Variants in TBL1XR1 observed in about 807,000 individuals in gnomAD.
TBL1XR1 encodes F-box-like/WD repeat-containing protein TBL1XR1.
A neutral mutation model predicts 66.9 loss-of-function variants in TBL1XR1; 5 were observed. The observed-to-expected ratio is 0.07, with a 90% CI of 0.04 to 0.16. TBL1XR1 has a LOEUF of 0.16. Ranked by LOEUF, TBL1XR1 falls within the 10% of genes least tolerant of loss-of-function variation. The probability of loss-of-function intolerance (pLI) is 1.00; values close to 1 mark genes in which losing one functional copy is unlikely to be tolerated. For missense variants in TBL1XR1, 238 were observed against 623.2 expected (o/e 0.38, Z 6.58); for synonymous variants, 210 against 206.0 (o/e 1.02, Z -0.17).
intron 1 of TBL1XR1, among the ~76,000 whole-genome samples, chr3:177,161,496 T>A (rs1490127137): frequency 6.6e-6 from 1 of 152,118 alleles, no homozygotes; most frequent in East Asian, 1.9e-4. Context: ...TAAAAGGCAC[T>A]AATTGGCCAG....
At chr3:177,072,423 C>A (rs1433580414) in intron 2 of TBL1XR1, among the ~76,000 whole-genome samples, 1 of 150,842 alleles carries the variant, frequency 6.6e-6, no homozygotes, top group Non-Finnish European at 1.5e-5. Context: ...GAATCAAGAC[C>A]TGATGGTATT....
chr3:177,177,628 T>C (rs557649081), intron 1 of TBL1XR1, among the ~76,000 whole-genome samples: 1 of 152,274 alleles, frequency 6.6e-6, no homozygotes, highest in East Asian at 1.9e-4. Context: ...AATTTCAACA[T>C]TTAGTAAAAC....
rs928389917 is a variant in TBL1XR1, at chr3:177,021,457, C to T, written c.*4041G>A. 2 of 152,304 alleles carry T rather than the reference C, an allele frequency of 1.3e-5. No individual in the cohort carries two copies. Among genetic ancestry groups the T allele is most frequent in the African/African-American group, 2.4e-5 (1 of 41,388 alleles). The allele number at this position is 152,304 out of a possible 1,614,324, so 9.4% of individuals were successfully genotyped here. A position where few individuals can be genotyped will look rare whatever the true frequency, so the allele number is the denominator to read the frequency against. ...CAGAAATAAAGCAAGCTATCAATAC[C>T]TCAGAACTACTGATATAAGACATCA... On this transcript the variant is annotated 3_prime_UTR_variant, in exon 16 of 16. Transcript: ENST00000457928.
intron 1 of TBL1XR1, among the ~76,000 whole-genome samples, chr3:177,164,653 C>T (rs1041091114): frequency 6.6e-6 from 1 of 151,978 alleles, no homozygotes; most frequent in Non-Finnish European, 1.5e-5. Flanking sequence ...CAGCCTACTT[C>T]TAAATTTTTG....
intron 4 of TBL1XR1, among the ~76,000 whole-genome samples, chr3:177,053,006 G>A (rs1456028458): frequency 6.6e-6 from 1 of 152,188 alleles, no homozygotes; most frequent in East Asian, 1.9e-4. Context: ...GGAGGCAGAG[G>A]CAGGACAATC....
intron 12 of TBL1XR1, among the ~76,000 whole-genome samples, chr3:177,036,043 A>G (rs924769566): frequency 6.6e-6 from 1 of 152,218 alleles, no homozygotes; most frequent in Non-Finnish European, 1.5e-5. Context: ...CTAGCTAGGT[A>G]AACTACCCTG....
At chr3:177,108,704 C>CA (rs1015330342) in intron 1 of TBL1XR1, among the ~76,000 whole-genome samples, 10 of 151,908 alleles carry the variant, frequency 6.6e-5, no homozygotes, top group Admixed American at 1.3e-4. Context: ...ACTCCCTAAG[C>CA]AAAAAAATTG....
At chr3:177,046,293 G>T in intron 9 of TBL1XR1, 104 bp from the exon 10 acceptor site, 1 of 818,298 alleles carries the variant, frequency 1.2e-6, no homozygotes, top group Non-Finnish European at 1.8e-6. Flanking sequence ...ATGTCAGAGT[G>T]GATTTAATTT....
intron 1 of TBL1XR1, among the ~76,000 whole-genome samples, chr3:177,116,987 T>C (rs986592218): frequency 2.0e-5 from 3 of 152,220 alleles, no homozygotes; most frequent in South Asian, 2.1e-4. Context: ...AGGAACATTA[T>C]GCAGTTTATC....
At chr3:177,201,167 C>T (rs144083276), upstream of TBL1XR1, among the ~76,000 whole-genome samples, 94 of 150,604 alleles carry the variant, frequency 6.2e-4, no homozygotes, top group African/African-American at 2.2e-3. Flanking sequence ...AATCCCAGCA[C>T]TTTGGGAGGC....
At chr3:177,135,333 G>GTATACA (rs1424760953) in intron 1 of TBL1XR1, among the ~76,000 whole-genome samples, 3 of 53,818 alleles carry the variant, frequency 5.6e-5, no homozygotes, top group Non-Finnish European at 1.1e-4. Flanking sequence ...GTGTGTGTGT[G>GTATACA]TATACATATA....
intron 2 of TBL1XR1, among the ~76,000 whole-genome samples, chr3:177,067,603 T>A (rs557376958): frequency 6.6e-6 from 1 of 152,136 alleles, no homozygotes; most frequent in South Asian, 2.1e-4. Context: ...TAAGTCATAA[T>A]AAAAAATACC....
chr3:177,036,455 A>C (rs1714798913), intron 12 of TBL1XR1, among the ~76,000 whole-genome samples: 1 of 152,224 alleles, frequency 6.6e-6, no homozygotes, highest in Admixed American at 6.5e-5. Context: ...TGTGACATTT[A>C]AACATTCTTA....
At chr3:177,134,955 G>GTGTGTGTGTC (rs1553852526) in intron 1 of TBL1XR1, among the ~76,000 whole-genome samples, 2 of 141,742 alleles carry the variant, frequency 1.4e-5, no homozygotes, top group African/African-American at 2.7e-5. Context: ...CTGTGTGTGT[G>GTGTGTGTGTC]TGTGTGTGTG....
At chr3:177,069,170 A>C (rs536400274) in intron 2 of TBL1XR1, among the ~76,000 whole-genome samples, 2 of 152,334 alleles carry the variant, frequency 1.3e-5, no homozygotes, top group South Asian at 4.1e-4. Context: ...GACGTGAGTC[A>C]GTATATGTCA....
chr3:177,153,636 C>G (rs1455607897), intron 1 of TBL1XR1, among the ~76,000 whole-genome samples: 2 of 151,918 alleles, frequency 1.3e-5, no homozygotes, highest in Non-Finnish European at 2.9e-5. Flanking sequence ...GACCGTAATC[C>G]CAGCACTTTG....
intron 1 of TBL1XR1, among the ~76,000 whole-genome samples, chr3:177,115,222 T>C (rs1238660865): frequency 6.6e-6 from 1 of 152,090 alleles, no homozygotes; most frequent in East Asian, 1.9e-4. Flanking sequence ...TAGTATTTCA[T>C]ACAACTAACT....
chr3:177,147,936 TACC>T (rs1299608688), intron 1 of TBL1XR1, among the ~76,000 whole-genome samples: 2 of 152,206 alleles, frequency 1.3e-5, no homozygotes, highest in African/African-American at 4.8e-5. Flanking sequence ...CACCAAACAG[TACC>T]ACATTTCACA....
intron 1 of TBL1XR1, among the ~76,000 whole-genome samples, chr3:177,176,283 GC>G (rs1734142294): frequency 6.6e-6 from 1 of 150,696 alleles, no homozygotes; most frequent in Non-Finnish European, 1.5e-5. Context: ...CAACACCTCC[GC>G]CCCCTGGGCT....
Sources: allele counts gnomAD v4.1 joint callset (sites outside exome capture counted in the v4.1 genomes callset), GRCh38; gene constraint gnomAD v4.1.1; transcripts MANE v1.5; gene names NCBI Gene and HGNC (gene_info 2026-07-23, HGNC 2026-07-21).